OPA3: variants seen among roughly 807,000 people sequenced by gnomAD.
The protein encoded by OPA3 is optic atrophy 3 protein.
In OPA3, 6 loss-of-function variants were observed where a neutral mutation model predicts 4.0. That is an observed-to-expected ratio of 1.51 (90% CI 0.83 to 2.99). The LOEUF (loss-of-function observed/expected upper bound fraction) is 2.99. Ranked by LOEUF, OPA3 falls within the 30% of genes most tolerant of loss-of-function variation. OPA3 has a pLI of 0.00. For missense variants in OPA3, 235 were observed against 256.2 expected (o/e 0.92, Z 0.56); for synonymous variants, 105 against 117.1 (o/e 0.90, Z 0.67).
intron 1 of OPA3, among the ~76,000 whole-genome samples, chr19:45,536,548 C>CA (rs34377614): frequency 0.28 from 27,241 of 96,188 alleles, 3,047 homozygotes; most frequent in African/African-American, 0.39. Context: ...AACTCTGTCT[C>CA]AAAAAAAAAA....
intron 1 of OPA3, among the ~76,000 whole-genome samples, chr19:45,561,241 G>A (rs1160743661): frequency 7.2e-5 from 11 of 152,174 alleles, no homozygotes; most frequent in Admixed American, 5.9e-4. Flanking sequence ...GCTGGGGCAG[G>A]AGAATCGCTT....
chr19:45,576,500 T>C (rs1467370436), intron 1 of OPA3, among the ~76,000 whole-genome samples: 1 of 150,588 alleles, frequency 6.6e-6, no homozygotes, highest in Non-Finnish European at 1.5e-5. Context: ...ATCGTGCCAC[T>C]GCACTGCAAT....
At chr19:45,561,632 T>C (rs1224712090) in intron 1 of OPA3, among the ~76,000 whole-genome samples, 1 of 152,054 alleles carries the variant, frequency 6.6e-6, no homozygotes, top group Non-Finnish European at 1.5e-5. Flanking sequence ...AGGAAAAACA[T>C]CAAATCCTTA....
In OPA3 at chr19:45,549,636, T is replaced by C. The variant is rs79660166; in HGVS notation, c.*3878A>G. ...GCTGGGATTCAGGAATGTGCCAACA[T>C]GCCCGGCTAATTTTTGTATTTTTAG... On this transcript the variant is annotated 3_prime_UTR_variant, in exon 2 of 2. Transcript: ENST00000263275. 31,703 of 789,788 alleles carry C rather than the reference T, an allele frequency of 0.04. 905 individuals are homozygous for C. The highest frequency in any genetic ancestry group is 0.12 in the East Asian group (967 of 7,812). The allele number at this position is 789,788 out of a possible 1,614,324, so 48.9% of individuals were successfully genotyped here.
downstream of OPA3, among the ~76,000 whole-genome samples, chr19:45,543,036 GTCTCACTC>G (rs1278894970): frequency 6.6e-6 from 1 of 151,452 alleles, no homozygotes; most frequent in Non-Finnish European, 1.5e-5. Context: ...TTGAGACAGG[GTCTCACTC>G]TGTCGCCCAG....
intron 1 of OPA3, among the ~76,000 whole-genome samples, chr19:45,532,762 A>G (rs908976483): frequency 1.9e-4 from 29 of 152,112 alleles, no homozygotes; most frequent in Non-Finnish European, 2.9e-5. Flanking sequence ...ATTTTTTAAT[A>G]GAGATGGGGT....
At chr19:45,572,593 ATAT>A (rs1969696344) in intron 1 of OPA3, among the ~76,000 whole-genome samples, 1 of 100,166 alleles carries the variant, frequency 1.0e-5, no homozygotes, top group Non-Finnish European at 2.3e-5. Flanking sequence ...ATAAATATAT[ATAT>A]TGATATATAT....
At chr19:45,558,805 G>A (rs112758741) in intron 1 of OPA3, among the ~76,000 whole-genome samples, 96 of 151,308 alleles carry the variant, frequency 6.3e-4, no homozygotes, top group Non-Finnish European at 1.2e-3. Context: ...GCTCTGCAAT[G>A]CAGTGGCCAT....
Position 45,548,523 on chromosome 19 carries a change from T to C in OPA3, c.*4991A>G, listed in dbSNP as rs1969283971. The C allele has an allele frequency of 3.0e-6, 3 of 985,364 alleles. No individual in the cohort carries two copies. The highest frequency in any genetic ancestry group is 3.6e-6 in the Non-Finnish European group (3 of 829,942). The allele number at this position is 985,364 out of a possible 1,614,324, so 61.0% of individuals were successfully genotyped here. On this transcript the variant is annotated 3_prime_UTR_variant, in exon 2 of 2. Coordinates refer to ENST00000263275, the MANE Select transcript of OPA3 (RefSeq NM_025136.4). ...AACTATGGGGTGGGGCAGGGAACAC[T>C]GGAAAAGAAATGTACGTGTGAGCAT...
chr19:45,545,419 T>C (rs1242373314), downstream of OPA3, among the ~76,000 whole-genome samples: 1 of 151,680 alleles, frequency 6.6e-6, no homozygotes, highest in African/African-American at 2.4e-5. Flanking sequence ...TATTCCCAGC[T>C]ACTCTGGAGG....
rs543944519 is a variant in OPA3 at position 45,569,209 on chromosome 19, AG to A, written c.143-15299del. Among the ~76,000 whole-genome samples, 14 of 152,336 alleles carry A rather than the reference AG, an allele frequency of 9.2e-5. No homozygotes were observed. The South Asian group carries it at 2.5e-3, about 27-fold the overall frequency. On this transcript the variant is annotated intron_variant, in intron 1 of 1. Transcript: ENST00000263275. ...CGCTGTGGCTCACGCCTGTAATCCC[AG>A]CACTTTGGAAGGCCAAGGCAGACAG...
At chr19:45,539,188 G>A (rs1230946759) in intron 1 of OPA3, among the ~76,000 whole-genome samples, 1 of 152,176 alleles carries the variant, frequency 6.6e-6, no homozygotes, top group Non-Finnish European at 1.5e-5. Context: ...TGAGATTTGG[G>A]TTGGGACACA....
At chr19:45,545,158 C>T (rs145227649), downstream of OPA3, among the ~76,000 whole-genome samples, 1,019 of 128,760 alleles carry the variant, frequency 7.9e-3, 15 homozygotes, top group African/African-American at 0.028. Context: ...GAGCAAGACA[C>T]CGTCTCAAAA....
downstream of OPA3, among the ~76,000 whole-genome samples, chr19:45,544,076 G>A (rs1969216855): frequency 1.3e-5 from 2 of 152,172 alleles, no homozygotes; most frequent in South Asian, 4.1e-4. Context: ...AGGAAGTTCT[G>A]TTATCAGGCA....
At chr19:45,568,410 G>A (rs556461220) in intron 1 of OPA3, among the ~76,000 whole-genome samples, 5 of 152,028 alleles carry the variant, frequency 3.3e-5, no homozygotes, top group African/African-American at 1.2e-4. Flanking sequence ...GGCTGGTCTC[G>A]AACTCCTGAC....
chr19:45,546,724 A>G lies in OPA3; in HGVS notation c.*6790T>C, dbSNP rs10422253. The G allele has an allele frequency of 0.77, 116,464 of 152,042 alleles. 44,737 individuals are homozygous for G. Among genetic ancestry groups the G allele is most frequent in the Middle Eastern group, 0.86 (256 of 296 alleles). 9.4% of individuals were successfully genotyped at this position (152,042 alleles called of 1,614,324 possible). ...TCTGGCACCTAGGCTGGAATGCAGT[A>G]GTGCAATCTTGGCTCACTGCAACGT... is the stretch of plus-strand genomic sequence containing the variant. On this transcript the variant is annotated 3_prime_UTR_variant, in exon 2 of 2. Coordinates refer to ENST00000263275, the MANE Select transcript of OPA3 (RefSeq NM_025136.4).
intron 1 of OPA3, among the ~76,000 whole-genome samples, chr19:45,534,437 C>G (rs1391987436): frequency 1.3e-5 from 2 of 151,354 alleles, no homozygotes; most frequent in Non-Finnish European, 2.9e-5. Flanking sequence ...TGGTGGGTGC[C>G]TGTAATCCCA....
chr19:45,560,633 C>T (rs996902987), intron 1 of OPA3, among the ~76,000 whole-genome samples: 1 of 152,168 alleles, frequency 6.6e-6, no homozygotes, highest in African/African-American at 2.4e-5. Context: ...CTGATATAGA[C>T]CCTTTCCTCG....
chr19:45,542,113 G>A (rs1028033185), downstream of OPA3, among the ~76,000 whole-genome samples: 1 of 152,136 alleles, frequency 6.6e-6, no homozygotes, highest in Non-Finnish European at 1.5e-5. Context: ...CCGAGTTCTA[G>A]GAAAAATAAG....
Sources: allele counts gnomAD v4.1 joint callset (sites outside exome capture counted in the v4.1 genomes callset), GRCh38; gene constraint gnomAD v4.1.1; transcripts MANE v1.5; gene names NCBI Gene and HGNC (gene_info 2026-07-23, HGNC 2026-07-21).